The following SGMS1 variants were observed in gnomAD, a reference collection of about 807,000 sequenced individuals.
SGMS1 encodes the protein phosphatidylcholine:ceramide cholinephosphotransferase 1.
SGMS1 carries 13 observed loss-of-function variants against 46.2 expected under a neutral mutation model. The observed-to-expected ratio is 0.28, with a 90% confidence interval of 0.18 to 0.45. The LOEUF is 0.45. SGMS1 is among the 20% of genes least tolerant of loss of function. The probability of loss-of-function intolerance (pLI) is 1.00; values close to 1 mark genes in which losing one functional copy is unlikely to be tolerated. For missense variants in SGMS1, 324 were observed against 519.9 expected, an observed-to-expected ratio of 0.62 and a Z score of 3.66; for synonymous variants, 203 against 187.8, an observed-to-expected ratio of 1.08 and a Z score of -0.66.
intron 2 of SGMS1, among the ~76,000 whole-genome samples, chr10:50,579,936 T>C (rs1327245708): frequency 1.3e-5 from 2 of 152,144 alleles, no homozygotes; most frequent in East Asian, 3.9e-4. Flanking sequence ...CAGGTAAGAT[T>C]TCTCCGAGAT....
chr10:50,542,523 T>G (rs1028144418), intron 2 of SGMS1, among the ~76,000 whole-genome samples: 2 of 151,380 alleles, frequency 1.3e-5, no homozygotes, highest in African/African-American at 2.4e-5. Context: ...AAAAAAGTGG[T>G]TAAGAGAGAA....
At chr10:50,479,857 C>A (rs975502758) in intron 3 of SGMS1, among the ~76,000 whole-genome samples, 5 of 152,122 alleles carry the variant, frequency 3.3e-5, no homozygotes, top group Non-Finnish European at 7.4e-5. Flanking sequence ...AGCAACACCA[C>A]AAGTATTTCT....
upstream of SGMS1, chr10:50,624,691 C>G (rs12248247): frequency 8.6e-3 from 8,460 of 985,398 alleles, 548 homozygotes; most frequent in African/African-American, 0.14. Context: ...AGTAGCCCCA[C>G]GTGGTGCAAG....
intron 1 of SGMS1, among the ~76,000 whole-genome samples, chr10:50,606,570 T>C (rs906824531): frequency 6.6e-6 from 1 of 152,232 alleles, no homozygotes; most frequent in African/African-American, 2.4e-5. Flanking sequence ...AAATACAACA[T>C]ATATTTCTAT....
chr10:50,543,569 G>A (rs943634599), intron 2 of SGMS1, among the ~76,000 whole-genome samples: 2 of 152,244 alleles, frequency 1.3e-5, no homozygotes, highest in Non-Finnish European at 2.9e-5. Context: ...GAAACAAAGT[G>A]TGGCTGATGT....
intron 3 of SGMS1, among the ~76,000 whole-genome samples, chr10:50,518,809 C>T (rs1837832133): frequency 6.6e-6 from 1 of 152,178 alleles, no homozygotes; most frequent in Admixed American, 6.5e-5. Context: ...ATTCACTATA[C>T]AAGAAGAGAC....
chr10:50,579,917 G>T (rs920394898), intron 2 of SGMS1, among the ~76,000 whole-genome samples: 7 of 152,170 alleles, frequency 4.6e-5, no homozygotes, highest in Admixed American at 6.5e-5. Context: ...GGAGCAAAGC[G>T]TAAGACTCCA....
At chr10:50,597,385 T>C (rs1397005508) in intron 1 of SGMS1, among the ~76,000 whole-genome samples, 1 of 152,184 alleles carries the variant, frequency 6.6e-6, no homozygotes, top group Non-Finnish European at 1.5e-5. Context: ...GGGAATGCAA[T>C]GGGTGAATAC....
Position 50,382,581 on chromosome 10 carries a change from A to ACACACACG in SGMS1, c.-231-38237_-231-38236insCGTGTGTG. ...CAAACACACACATACACACACACAC[A>ACACACACG]CACACACACACAACTTCCCCACTCC... On this transcript the variant is annotated intron_variant, in intron 6 of 10. Coordinates refer to ENST00000361781, the MANE Select transcript of SGMS1 (RefSeq NM_147156.4). 2.0e-5 allele frequency among the ~76,000 whole-genome samples: 3 copies of ACACACACG among 150,322 alleles called. 1 individual carries two copies. In the Middle Eastern group the frequency reaches 0.01, roughly 511 times the overall value.
chr10:50,554,396 G>A (rs981009079), intron 2 of SGMS1, among the ~76,000 whole-genome samples: 11 of 152,074 alleles, frequency 7.2e-5, no homozygotes, highest in Admixed American at 4.6e-4. Flanking sequence ...AAATTTAAAC[G>A]TTAGTGATTT....
chr10:50,622,374 T>A (rs7895102), intron 1 of SGMS1, among the ~76,000 whole-genome samples: 3,955 of 152,252 alleles, frequency 0.026, 165 homozygotes, highest in African/African-American at 0.09. Flanking sequence ...ACTCCTCTCC[T>A]TCGGCCCACT....
intron 6 of SGMS1, among the ~76,000 whole-genome samples, chr10:50,400,070 C>T (rs537379138): frequency 6.0e-5 from 9 of 150,906 alleles, no homozygotes; most frequent in Middle Eastern, 3.4e-3. Flanking sequence ...TCTGGAAGTA[C>T]GTGCGTGAGG....
intron 3 of SGMS1, among the ~76,000 whole-genome samples, chr10:50,471,072 T>TA (rs1424782929): frequency 6.6e-6 from 1 of 151,998 alleles, no homozygotes; most frequent in Non-Finnish European, 1.5e-5. Flanking sequence ...AAAAAGATGA[T>TA]AAAGAGTGAA....
chr10:50,346,003 G>C (rs1048551780), intron 6 of SGMS1, among the ~76,000 whole-genome samples: 1 of 152,084 alleles, frequency 6.6e-6, no homozygotes, highest in Non-Finnish European at 1.5e-5. Context: ...AACAAGAAAA[G>C]TTAAAAATAA....
intron 6 of SGMS1, among the ~76,000 whole-genome samples, chr10:50,346,494 A>G (rs1011541710): frequency 4.4e-4 from 67 of 152,208 alleles, no homozygotes; most frequent in African/African-American, 1.3e-3. Context: ...AAATCTTCCA[A>G]GCTTTTAAAA....
At chr10:50,588,253 G>A (rs978271876) in intron 2 of SGMS1, among the ~76,000 whole-genome samples, 30 of 152,188 alleles carry the variant, frequency 2.0e-4, no homozygotes, top group Admixed American at 1.8e-3. Context: ...AGTATAAGAA[G>A]CCACTGCTGC....
chr10:50,470,368 G>A (rs1403251240), intron 3 of SGMS1, among the ~76,000 whole-genome samples: 1 of 151,998 alleles, frequency 6.6e-6, no homozygotes, highest in Non-Finnish European at 1.5e-5. Flanking sequence ...TTTATACAAT[G>A]TTAGTGTTTT....
intron 1 of SGMS1, among the ~76,000 whole-genome samples, chr10:50,621,613 T>C (rs755594859): frequency 6.6e-6 from 1 of 152,240 alleles, no homozygotes; most frequent in Non-Finnish European, 1.5e-5. Flanking sequence ...ATGAGTAAGA[T>C]ACTGGTTTAA....
intron 6 of SGMS1, among the ~76,000 whole-genome samples, chr10:50,355,867 G>T (rs1329647846): frequency 6.6e-6 from 1 of 152,104 alleles, no homozygotes; most frequent in Non-Finnish European, 1.5e-5. Flanking sequence ...GATGTGAAGA[G>T]CGCCTCTGCC....
Sources: allele counts gnomAD v4.1 joint callset (sites outside exome capture counted in the v4.1 genomes callset), GRCh38; gene constraint gnomAD v4.1.1; transcripts MANE v1.5; gene names NCBI Gene and HGNC (gene_info 2026-07-23, HGNC 2026-07-21).